MEIOB: variants seen among roughly 807,000 people sequenced by gnomAD.
The protein encoded by MEIOB is meiosis specific with OB-fold.
In MEIOB, 50 loss-of-function variants were observed where a neutral mutation model predicts 53.1. The ratio of observed to expected loss-of-function variants is 0.94; its 90% confidence interval spans 0.75 to 1.19. The LOEUF (loss-of-function observed/expected upper bound fraction) is 1.19. Among genes scored for constraint, MEIOB ranks in the 50% most tolerant of loss-of-function variants. The probability of loss-of-function intolerance (pLI) is 0.00; values close to 1 mark genes in which losing one functional copy is unlikely to be tolerated. For synonymous variants in MEIOB, 192 were observed against 182.5 expected (o/e 1.05, Z -0.42); for missense variants, 551 against 550.8 (o/e 1.00, Z 0.00).
chr16:1,864,902 C>A (rs1446156699), intron 3 of MEIOB, among the ~76,000 whole-genome samples: 1 of 152,144 alleles, frequency 6.6e-6, no homozygotes, highest in Non-Finnish European at 1.5e-5. Flanking sequence ...ATATAGACTT[C>A]CTCAAACTAT....
At chr16:1,860,226 ACT>A (rs1899408834) in intron 5 of MEIOB, among the ~76,000 whole-genome samples, 175 bp downstream of exon 5, 1 of 152,234 alleles carries the variant, frequency 6.6e-6, no homozygotes, top group African/African-American at 2.4e-5. Flanking sequence ...TTATCATGTG[ACT>A]CTGTATCAAA....
chr16:1,868,635 C>T (rs1003825671), intron 1 of MEIOB, among the ~76,000 whole-genome samples: 10 of 152,186 alleles, frequency 6.6e-5, no homozygotes, highest in African/African-American at 2.4e-4. Flanking sequence ...GAGGGCGGAT[C>T]ACAGGGTCAG....
At chr16:1,862,244 C>T in intron 3 of MEIOB, 128 bp from the exon 4 acceptor site, 2 of 696,670 alleles carry the variant, frequency 2.9e-6, no homozygotes, top group Non-Finnish European at 4.7e-6. Context: ...AATCAAATAA[C>T]TATTGATTAT....
chr16:1,866,467 TC>T (rs1287735231), intron 2 of MEIOB, among the ~76,000 whole-genome samples: 6 of 152,168 alleles, frequency 3.9e-5, no homozygotes, highest in Admixed American at 2.6e-4. Flanking sequence ...ACACGTGTAA[TC>T]CCAGCACTCT....
chr16:1,853,240 T>A lies in MEIOB; in HGVS notation c.661A>T (p.Ser221Cys). 6.4e-7 allele frequency: 1 copy of A among 1,551,782 alleles called. No homozygotes were observed. The highest frequency in any genetic ancestry group is 1.4e-5 in the African/African-American group (1 of 73,174). The change falls in exon 8 of 14, where the codon AGC (serine) becomes TGC (cysteine). Residue 221 changes from serine (S) to cysteine (C), a missense_variant. Physicochemically the swap from Ser to Cys is moderately radical, Grantham distance 112 (BLOSUM62 -1). Transcript: ENST00000325962. The part of the protein sequence containing the change: ...WDNESILLAQ[S>C]WMPRETVIFA... ...ATACCTGTTTCTCGTGGCATCCAGC[T>A]CTGTGCAAGTAGAATGGATTCATTA...
At chr16:1,835,035 A>G (rs111853278) in intron 13 of MEIOB, among the ~76,000 whole-genome samples, 3,763 of 151,102 alleles carry the variant, frequency 0.025, 154 homozygotes, top group African/African-American at 0.088. Context: ...CAGGTAGATC[A>G]CTTGAGGCCT....
rs887590773 is a variant in MEIOB at position 1,849,550 on chromosome 16, A to AAAAAAAAAAAAAC, written c.778+3488_778+3489insGTTTTTTTTTTTT. Among the ~76,000 whole-genome samples, 15 of 150,874 alleles carry AAAAAAAAAAAAAC rather than the reference A, an allele frequency of 9.9e-5. 1 individual carries two copies. Among genetic ancestry groups the AAAAAAAAAAAAAC allele is most frequent in the African/African-American group, 3.6e-4 (15 of 41,180 alleles). ...GACAGAGTGAGACTCCGTCTCAAAA[A>AAAAAAAAAAAAAC]AAAAAAACACCTAGATGACAGGTTG... On this transcript the variant is annotated intron_variant, in intron 9 of 13. Transcript: ENST00000325962.
intron 9 of MEIOB, among the ~76,000 whole-genome samples, chr16:1,848,591 G>A (rs1371490952): frequency 3.5e-5 from 5 of 142,456 alleles, no homozygotes; most frequent in Non-Finnish European, 7.5e-5. Flanking sequence ...TGCCCAGGCT[G>A]GGATGCAGTG....
intron 11 of MEIOB, among the ~76,000 whole-genome samples, chr16:1,841,350 C>G (rs1176388119): frequency 3.3e-5 from 5 of 152,166 alleles, no homozygotes; most frequent in Middle Eastern, 3.2e-3. Flanking sequence ...TAAATACTAA[C>G]TTCGATCTAC....
chr16:1,850,933 A>T (rs1336145178), intron 9 of MEIOB, among the ~76,000 whole-genome samples: 1 of 152,126 alleles, frequency 6.6e-6, no homozygotes, highest in Non-Finnish European at 1.5e-5. Flanking sequence ...AAAATAAAAT[A>T]AATAAAATTA....
rs1341633511 is a variant in MEIOB at position 1,847,747 on chromosome 16, C to T, written c.779-2784G>A. 3.3e-5 allele frequency among the ~76,000 whole-genome samples: 5 copies of T among 152,032 alleles called. No individual in the cohort carries two copies. In the East Asian group the frequency reaches 5.8e-4, roughly 18 times the overall value. On this transcript the variant is annotated intron_variant, in intron 9 of 13. Transcript: ENST00000325962. ...GGGCTGCCCTTGAGTAGCCTAAAAACGGCTGTAGACACTATCATTCCTGTC... is the reference window on the plus strand; with the variant it reads ...GGGCTGCCCTTGAGTAGCCTAAAAATGGCTGTAGACACTATCATTCCTGTC...
chr16:1,870,467 G>A lies in MEIOB; in HGVS notation c.-10+1526C>T, dbSNP rs183654612. On this transcript the variant is annotated intron_variant, in intron 1 of 13. Transcript: ENST00000325962. ...CGTGTCTCATGACACCTGAATTTCA[G>A]GCAGCCTGTGGAGTTAGTCAAATAT... 4.5e-4 allele frequency among the ~76,000 whole-genome samples: 69 copies of A among 152,296 alleles called. No homozygotes were observed. The East Asian group carries it at 0.013, about 28-fold the overall frequency.
Position 1,844,981 on chromosome 16 carries a change from T to C in MEIOB, c.779-18A>G, listed in dbSNP as rs1433432901. ...TGGTATATCTTAAATTGAAAATGCA[T>C]AATAAGTAAAAAGCAAACTGATTAT... On this transcript the variant is annotated intron_variant, in intron 9 of 13. Coordinates refer to ENST00000325962, the MANE Select transcript of MEIOB (RefSeq NM_001163560.3). 8.5e-7 allele frequency: 1 copy of C among 1,171,886 alleles called. No homozygotes were observed. The highest frequency in any genetic ancestry group is 1.2e-6 in the Non-Finnish European group (1 of 805,732). The allele number at this position is 1,171,886 out of a possible 1,614,324, so 72.6% of individuals were successfully genotyped here.
At chr16:1,870,194 C>T (rs1044742240) in intron 1 of MEIOB, among the ~76,000 whole-genome samples, 2 of 152,202 alleles carry the variant, frequency 1.3e-5, no homozygotes, top group Admixed American at 6.5e-5. Context: ...TGATTTTAAA[C>T]ACACCTCTAC....
chr16:1,840,623 G>A (rs1039559413), intron 11 of MEIOB, among the ~76,000 whole-genome samples: 9 of 151,082 alleles, frequency 6.0e-5, no homozygotes, highest in Admixed American at 4.0e-4. Flanking sequence ...ATCTCGGCTC[G>A]CTGCAAGCTC....
chr16:1,837,447 C>A (rs1301181798), intron 13 of MEIOB, among the ~76,000 whole-genome samples: 2 of 152,104 alleles, frequency 1.3e-5, no homozygotes, highest in Non-Finnish European at 2.9e-5. Context: ...TTCAGGTGAT[C>A]CTCCCACCTC....
rs377015253 is a variant in MEIOB, at chr16:1,859,280, G to A, written c.332+1123C>T. 2.8e-4 allele frequency among the ~76,000 whole-genome samples: 43 copies of A among 152,298 alleles called. 1 individual carries two copies. Among genetic ancestry groups the A allele is most frequent in the African/African-American group, 9.1e-4 (38 of 41,576 alleles). ...AGTTTGGCCAGGCGCGGTGGCTCAC[G>A]CCTGTAATCCCAGCCCTTTGGGAGG... On this transcript the variant is annotated intron_variant, in intron 5 of 13. Transcript: ENST00000325962.
intron 9 of MEIOB, among the ~76,000 whole-genome samples, chr16:1,845,267 C>T (rs1036282974): frequency 6.6e-6 from 1 of 152,158 alleles, no homozygotes; most frequent in Non-Finnish European, 1.5e-5. Context: ...CGCCTGTAAT[C>T]CCAGCACTTT....
intron 5 of MEIOB, 30 bp from the exon 6 acceptor site, chr16:1,857,960 T>C (rs749766263): frequency 7.1e-7 from 1 of 1,402,306 alleles, no homozygotes; most frequent in South Asian, 1.3e-5. Flanking sequence ...GAAAGTTATT[T>C]GAAAGTGATC....
Sources: gnomAD v4.1 joint callset for allele counts (sites outside exome capture counted in the v4.1 genomes callset) on GRCh38, gnomAD v4.1.1 for gene constraint, MANE v1.5 for transcripts, NCBI Gene and HGNC (gene_info 2026-07-23, HGNC 2026-07-21) for gene names.